Variants in CAMTA1 observed in about 807,000 individuals in gnomAD.
CAMTA1 encodes calmodulin-binding transcription activator 1.
A neutral mutation model predicts 170.9 loss-of-function variants in CAMTA1; 27 were observed. That is an observed-to-expected ratio of 0.16 (90% confidence interval 0.12 to 0.22). CAMTA1 has a LOEUF of 0.22. Among genes scored for constraint, CAMTA1 ranks in the 10% least tolerant of loss-of-function variants. The pLI is 1.00. For synonymous variants in CAMTA1, 833 were observed against 891.5 expected, an observed-to-expected ratio of 0.93 and a Z score of 1.17; for missense variants, 1,619 against 2,217.2, an observed-to-expected ratio of 0.73 and a Z score of 5.42.
chr1:6,865,568 C>T (rs891889393), intron 3 of CAMTA1, among the ~76,000 whole-genome samples: 2 of 152,154 alleles, frequency 1.3e-5, no homozygotes, highest in Non-Finnish European at 2.9e-5. Flanking sequence ...CATTGTCTCC[C>T]TTGTAAGTTG....
At chr1:6,994,091 T>C (rs1696808239) in intron 3 of CAMTA1, among the ~76,000 whole-genome samples, 1 of 152,174 alleles carries the variant, frequency 6.6e-6, no homozygotes, top group Non-Finnish European at 1.5e-5. Flanking sequence ...ATAAGAATCT[T>C]GCAACTATAT....
chr1:7,688,861 G>A (rs964899243), intron 11 of CAMTA1, among the ~76,000 whole-genome samples: 3 of 152,218 alleles, frequency 2.0e-5, no homozygotes, highest in Non-Finnish European at 4.4e-5. Context: ...GCAGTAATCT[G>A]CTGAAACTTT....
chr1:6,930,926 G>A (rs1684292173), intron 3 of CAMTA1, among the ~76,000 whole-genome samples: 1 of 152,216 alleles, frequency 6.6e-6, no homozygotes, highest in Admixed American at 6.5e-5. Context: ...GCCCTTGCTG[G>A]CCTTGGCTCC....
chr1:7,013,736 G>A (rs957018079), intron 3 of CAMTA1, among the ~76,000 whole-genome samples: 4 of 152,172 alleles, frequency 2.6e-5, no homozygotes, highest in African/African-American at 9.6e-5. Context: ...GTGATCTGCT[G>A]GTTCTACATT....
At chr1:7,758,448 G>A (rs533130063) in intron 22 of CAMTA1, among the ~76,000 whole-genome samples, 20 of 152,264 alleles carry the variant, frequency 1.3e-4, no homozygotes, top group African/African-American at 4.3e-4. Context: ...GTGATATTTA[G>A]CTAACTCTGT....
intron 5 of CAMTA1, among the ~76,000 whole-genome samples, chr1:7,428,238 T>G (rs1386982663): frequency 6.6e-6 from 1 of 152,128 alleles, no homozygotes; most frequent in Non-Finnish European, 1.5e-5. Context: ...TCTTGCACAC[T>G]GGAAGGCGAA....
At chr1:7,204,317 G>T (rs952536688) in intron 4 of CAMTA1, among the ~76,000 whole-genome samples, 18 of 151,884 alleles carry the variant, frequency 1.2e-4, no homozygotes, top group Non-Finnish European at 2.2e-4. Context: ...TAATATTTTT[G>T]GGGGAGAAGA....
At chr1:7,318,614 A>G (rs1164988412) in intron 5 of CAMTA1, among the ~76,000 whole-genome samples, 1 of 152,214 alleles carries the variant, frequency 6.6e-6, no homozygotes, top group Non-Finnish European at 1.5e-5. Context: ...CTCAGCTGAG[A>G]GAGCTACCAA....
chr1:7,401,490 A>G (rs538271603), intron 5 of CAMTA1, among the ~76,000 whole-genome samples: 2 of 152,088 alleles, frequency 1.3e-5, no homozygotes, highest in African/African-American at 4.8e-5. Context: ...TTGCATTTTC[A>G]TATAAAATTT....
intron 20 of CAMTA1, 121 bp downstream of exon 20, chr1:7,751,513 T>C (rs1267514196): frequency 5.2e-6 from 4 of 770,246 alleles, no homozygotes; most frequent in East Asian, 2.8e-5. Flanking sequence ...TGGCAGTCAC[T>C]GTGTTCCAGA....
chr1:7,041,503 G>A lies in CAMTA1; in HGVS notation c.235-49801G>A, dbSNP rs1436900749. Among the ~76,000 whole-genome samples, 2 of 152,200 alleles carry A rather than the reference G, an allele frequency of 1.3e-5. No homozygotes were observed. The highest frequency in any genetic ancestry group is 6.5e-5 in the Admixed American group (1 of 15,286). ...ATCTGATTTTGCATTGAACTGTGTC[G>A]TTATGTGGGGCTGAGAAACTCTTAC... On this transcript the variant is annotated intron_variant, in intron 3 of 22. Transcript: ENST00000303635. The surrounding 1 kb of genome is among the most constrained non-coding windows in gnomAD (Gnocchi z 5.1).
rs1553247659 is a variant in CAMTA1, at chr1:7,107,301, TGC to T, written c.302+15935_302+15936del. 4.9e-3 allele frequency among the ~76,000 whole-genome samples: 734 copies of T among 151,146 alleles called. 4 individuals are homozygous for T. The highest frequency in any genetic ancestry group is 7.9e-3 in the Non-Finnish European group (539 of 67,808). ...GCATGTGTGTGTGTGTGTGTGTGTG[TGC>T]GCGCCCACACACACAGCTGTGGGAG... On this transcript the variant is annotated intron_variant, in intron 4 of 22. Coordinates refer to ENST00000303635, the MANE Select transcript of CAMTA1 (RefSeq NM_015215.4).
rs139826978 is a variant in CAMTA1, at chr1:6,876,245, C to T, written c.234+51035C>T. 5.2e-3 allele frequency among the ~76,000 whole-genome samples: 784 copies of T among 152,066 alleles called. 3 individuals carry two copies. The highest frequency in any genetic ancestry group is 0.02 in the Middle Eastern group (6 of 294). On this transcript the variant is annotated intron_variant, in intron 3 of 22. Transcript: ENST00000303635. ...CTCTTTCCTTGTTTTCTCTTTCTTC[C>T]ACCATCTGGCGTATGTTTACAATGT...
At position 7,565,992 on chromosome 1, in the gene CAMTA1, A is replaced by G. The variant is rs928110949; in HGVS notation, c.511-74408A>G. ...AGTCTTCCAATCCTATTGGATTAGG[A>G]CCCTGGCCCCATGGCTTCATTGAAC... On this transcript the variant is annotated intron_variant, in intron 6 of 22. Transcript: ENST00000303635. The surrounding 1 kb of genome is among the most constrained non-coding windows in gnomAD (Gnocchi z 4.5). Among the ~76,000 whole-genome samples the G allele has an allele frequency of 1.3e-5, 2 of 151,982 alleles. No individual in the cohort carries two copies. Among genetic ancestry groups the G allele is most frequent in the African/African-American group, 4.8e-5 (2 of 41,354 alleles).
At chr1:7,156,853 TCCACTA>T (rs1171735974) in intron 4 of CAMTA1, among the ~76,000 whole-genome samples, 1 of 152,106 alleles carries the variant, frequency 6.6e-6, no homozygotes, top group Non-Finnish European at 1.5e-5. Context: ...TGCTAAGTCC[TCCACTA>T]CCACCGCCAT....
intron 3 of CAMTA1, among the ~76,000 whole-genome samples, chr1:6,859,260 G>A (rs1478983278): frequency 6.6e-6 from 1 of 152,090 alleles, no homozygotes; most frequent in Non-Finnish European, 1.5e-5. Context: ...CAGCTTCCCT[G>A]TTTTTTCCTC....
intron 11 of CAMTA1, among the ~76,000 whole-genome samples, chr1:7,722,627 T>C (rs138364728): frequency 1.5e-3 from 233 of 152,328 alleles, no homozygotes; most frequent in African/African-American, 5.6e-3. Flanking sequence ...TATACTACTA[T>C]ACTATAACCT....
intron 5 of CAMTA1, among the ~76,000 whole-genome samples, chr1:7,326,579 G>A (rs1019356581): frequency 2.6e-5 from 4 of 152,174 alleles, no homozygotes; most frequent in Admixed American, 1.3e-4. Flanking sequence ...AGGAAAAAAC[G>A]TGAAGTGATG....
chr1:7,583,853 A>T (rs967842669), intron 6 of CAMTA1, among the ~76,000 whole-genome samples: 1 of 152,130 alleles, frequency 6.6e-6, no homozygotes, highest in Admixed American at 6.5e-5. Context: ...GTAGACCCAG[A>T]TCACTGTCCT....
Sources: allele counts gnomAD v4.1 joint callset (sites outside exome capture counted in the v4.1 genomes callset), GRCh38; gene constraint gnomAD v4.1.1; non-coding constraint Gnocchi (gnomAD v3.1); transcripts MANE v1.5; gene names NCBI Gene and HGNC (gene_info 2026-07-23, HGNC 2026-07-21).